The following HDAC5 variants were observed in gnomAD, a reference collection of about 807,000 sequenced individuals.
HDAC5 encodes the protein antigen NY-CO-9.
HDAC5 carries 25 observed loss-of-function variants against 133.3 expected under a neutral mutation model. That is an observed-to-expected ratio of 0.19 (90% CI 0.14 to 0.26). The LOEUF (loss-of-function observed/expected upper bound fraction) is 0.26. Among genes scored for constraint, HDAC5 ranks in the 10% least tolerant of loss-of-function variants. HDAC5 has a pLI of 1.00. For missense variants in HDAC5, 1,041 were observed against 1,460.5 expected (o/e 0.71, Z 4.68); for synonymous variants, 589 against 610.8 (o/e 0.96, Z 0.53).
At position 44,085,571 on chromosome 17, in the gene HDAC5, G is replaced by A. The variant is rs1010567247; in HGVS notation, c.2051-416C>T. On this transcript the variant is annotated intron_variant, in intron 14 of 26. Transcript: ENST00000682912. ...CGGCCAGGTCCAGTGGCACGATCTC[G>A]GCTCACTGCAACCTCTGCCTCCTGG... 6.6e-5 allele frequency among the ~76,000 whole-genome samples: 10 copies of A among 151,800 alleles called. No individual in the cohort carries two copies. In the East Asian group the frequency reaches 1.2e-3, roughly 18 times the overall value.
At chr17:44,096,667 G>A (rs1299795524) in intron 3 of HDAC5, among the ~76,000 whole-genome samples, 1 of 151,862 alleles carries the variant, frequency 6.6e-6, no homozygotes, top group Non-Finnish European at 1.5e-5. Flanking sequence ...GTAGACACAA[G>A]GTTTCACCAT....
chr17:44,116,029 T>A (rs1461303657), intron 2 of HDAC5: 1 of 152,254 alleles, frequency 6.6e-6, no homozygotes, highest in African/African-American at 2.4e-5. Context: ...CTGGGTTGAT[T>A]ATCACATTTC....
At chr17:44,084,745 CA>C in intron 15 of HDAC5, 70 bp from the exon 16 acceptor site, 1 of 1,565,052 alleles carries the variant, frequency 6.4e-7, no homozygotes, top group Non-Finnish European at 8.7e-7. Context: ...GCCCCATAGC[CA>C]GGGCACACAG....
At chr17:44,095,505 G>A (rs939570138) in intron 3 of HDAC5, among the ~76,000 whole-genome samples, 3 of 151,938 alleles carry the variant, frequency 2.0e-5, no homozygotes, top group Admixed American at 2.0e-4. Flanking sequence ...GCAGGAGGGA[G>A]AGGCTGTGGG....
chr17:44,104,603 C>T (rs1399783819), intron 3 of HDAC5, among the ~76,000 whole-genome samples: 4 of 152,250 alleles, frequency 2.6e-5, no homozygotes, highest in Non-Finnish European at 5.9e-5. Flanking sequence ...CCCACTCCCG[C>T]ACTTCCAGGC....
intron 3 of HDAC5, among the ~76,000 whole-genome samples, chr17:44,108,763 A>C (rs1367204783): frequency 7.4e-5 from 2 of 27,000 alleles, no homozygotes; most frequent in Non-Finnish European, 3.0e-4. Flanking sequence ...AAAAAAAAAC[A>C]AAAAAAAAAC....
At chr17:44,085,334 T>C in intron 14 of HDAC5, 179 bp from the exon 15 acceptor site, 1 of 509,384 alleles carries the variant, frequency 2.0e-6, no homozygotes, top group Non-Finnish European at 3.3e-6. Flanking sequence ...AGCTTTTTTT[T>C]TTTTTTCTTT....
rs1447398610 is a variant in HDAC5, at chr17:44,086,453, C to T, written c.2050+119G>A. On this transcript the variant is annotated intron_variant, in intron 14 of 26. Transcript: ENST00000682912. ...ACAGGGAGAGAACGAAGGCCTGTGT[C>T]CCCTCCTTTCAGGGTGCCTAAGGGG... 5.0e-4 allele frequency: 382 copies of T among 760,778 alleles called. 3 individuals are homozygous for T. Among genetic ancestry groups the T allele is most frequent in the Non-Finnish European group, 5.5e-6 (3 of 544,608 alleles). The allele number at this position is 760,778 out of a possible 1,614,324, so 47.1% of individuals were successfully genotyped here.
Position 44,093,668 on chromosome 17 carries a change from C to T in HDAC5, c.261G>A (p.Gln87=). The part of the protein sequence containing the change: ...QQELLALKQQ[Q]QLQKQLLFAE... ...CGAACAGGAGCTGCTTCTGCAGCTG[C>T]TGCTGCTGCTTGAGCGCCAGGAGCT... Residue 87 remains glutamine, a synonymous_variant, in exon 4 of 27, where the codon CAG becomes CAA. Coordinates refer to ENST00000682912, the MANE Select transcript of HDAC5 (RefSeq NM_005474.5). 1 of 1,611,828 alleles carries T rather than the reference C, an allele frequency of 6.2e-7. No individual in the cohort carries two copies. The highest frequency in any genetic ancestry group is 1.1e-5 in the South Asian group (1 of 90,814).
In HDAC5 at chr17:44,078,402, G is replaced by A; in HGVS notation, c.3343C>T (p.Pro1115Ser). 6.5e-7 allele frequency: 1 copy of A among 1,528,900 alleles called. No individual in the cohort carries two copies. The highest frequency in any genetic ancestry group is 8.8e-7 in the Non-Finnish European group (1 of 1,137,456). 94.7% of individuals were successfully genotyped at this position (1,528,900 alleles called of 1,614,324 possible). The change falls in exon 27 of 27, where the codon CCC becomes TCC. Residue 1115 changes from proline to serine, a missense_variant. Pro to Ser is a moderately conservative substitution (Grantham distance 74, BLOSUM62 -1). Around this residue, in one of 9 missense-constraint regions of HDAC5, gnomAD observed 95 missense variants for 107.3 expected, o/e 0.88. Transcript: ENST00000682912. The stretch of plus-strand genomic sequence containing the variant: ...CACAGGGCAGGCTCCTGCTCCATGG[G>A]CTCCTCTGCCGGCCTGTGGGGCAAG... The part of the protein sequence containing the change: ...REHSPRPAEE[P>S]MEQEPAL
chr17:44,114,438 G>T (rs939475285), intron 2 of HDAC5, among the ~76,000 whole-genome samples: 45 of 105,046 alleles, frequency 4.3e-4, no homozygotes, highest in African/African-American at 1.4e-3. Flanking sequence ...GAGCAGGCGT[G>T]GGGGGGGGGG....
intron 3 of HDAC5, among the ~76,000 whole-genome samples, chr17:44,098,739 T>TA (rs374173029): frequency 0.14 from 17,426 of 123,696 alleles, 2,600 homozygotes; most frequent in African/African-American, 0.39. Context: ...AGACCCTATC[T>TA]AAAAAAAAAA....
chr17:44,098,170 A>G (rs1255861339), intron 3 of HDAC5, among the ~76,000 whole-genome samples: 1 of 152,232 alleles, frequency 6.6e-6, no homozygotes, highest in African/African-American at 2.4e-5. Context: ...ATGGAGCCCC[A>G]TGAATAGAGT....
chr17:44,106,322 T>C (rs1344440024), intron 3 of HDAC5, among the ~76,000 whole-genome samples: 2 of 152,124 alleles, frequency 1.3e-5, no homozygotes, highest in African/African-American at 4.8e-5. Flanking sequence ...TGGTCCTCAG[T>C]ATTTACAGAA....
At chr17:44,089,173 C>T (rs2050808725) in intron 11 of HDAC5, among the ~76,000 whole-genome samples, 1 of 152,204 alleles carries the variant, frequency 6.6e-6, no homozygotes, top group Non-Finnish European at 1.5e-5. Flanking sequence ...GTGAAGTATA[C>T]ACTAGATTTC....
intron 14 of HDAC5, 65 bp from the exon 15 acceptor site, chr17:44,085,220 T>C (rs1433746151): frequency 2.0e-6 from 3 of 1,472,618 alleles, no homozygotes; most frequent in African/African-American, 2.8e-5. Context: ...CTGGCTACCA[T>C]GATCCTCAGC....
rs749535129 is a variant in HDAC5, at chr17:44,088,478, T to C, written c.1508A>G (p.Gln503Arg). Residue 503 changes from glutamine to arginine, a missense_variant, in exon 12 of 27, where the codon CAG (glutamine) becomes CGG (arginine). Around this residue, in one of 9 missense-constraint regions of HDAC5, gnomAD observed 433 missense variants for 531.6 expected, o/e 0.81. Transcript: ENST00000682912. ...LSRTQSSPLPQSPQALQQLVM... is the reference protein window; with the variant it reads ...LSRTQSSPLPRSPQALQQLVM... ...CAGCTGCTGCAGGGCCTGGGGACTC[T>C]GCGGCAGCGGTGAGGACTGAGTGCG... The C allele has an allele frequency of 1.9e-6, 3 of 1,611,008 alleles. No homozygotes were observed. The highest frequency in any genetic ancestry group is 4.5e-5 in the East Asian group (2 of 44,762).
chr17:44,111,752 T>C, intron 2 of HDAC5: 2 of 481,534 alleles, frequency 4.2e-6, no homozygotes, highest in South Asian at 3.0e-5. Flanking sequence ...ACCTGCTAAA[T>C]GGCAGCTCCC....
rs2050936618 is a variant in HDAC5 at position 44,091,316 on chromosome 17, A to G, written c.1341T>C (p.His447=). 6.2e-7 allele frequency: 1 copy of G among 1,611,830 alleles called. No individual in the cohort carries two copies. Among genetic ancestry groups the G allele is most frequent in the Non-Finnish European group, 8.5e-7 (1 of 1,179,366 alleles). Residue 447 remains histidine, a synonymous_variant, in exon 11 of 27, where the codon CAT becomes CAC. Coordinates refer to ENST00000682912, the MANE Select transcript of HDAC5 (RefSeq NM_005474.5). ...SPHGHASLLQ[H]VLLLEQARQQ... ...GCCGGGCCTGCTCCAGCAACAGCAC[A>G]TGCTGCAGCAGGGAGGCATGCCCGT...
Sources: allele counts gnomAD v4.1 joint callset (sites outside exome capture counted in the v4.1 genomes callset), GRCh38; gene constraint gnomAD v4.1.1; regional missense constraint gnomAD v4.1.1; transcripts MANE v1.5; gene names NCBI Gene and HGNC (gene_info 2026-07-23, HGNC 2026-07-21).